Variants in MFSD11 observed in about 807,000 individuals in gnomAD.
The protein encoded by MFSD11 is major facilitator superfamily domain containing 11.
In MFSD11, 36 loss-of-function variants were observed where a neutral mutation model predicts 53.5. That is an observed-to-expected ratio of 0.67 (90% CI 0.52 to 0.89). MFSD11 has a LOEUF of 0.89. MFSD11 is among the 40% of genes least tolerant of loss of function. The pLI is 0.00. For synonymous variants in MFSD11, 186 were observed against 184.9 expected (o/e 1.01, Z -0.05); for missense variants, 530 against 543.9 (o/e 0.97, Z 0.25).
the MFSD11 span, among the ~76,000 whole-genome samples, chr17:76,797,054 A>T: frequency 6.6e-6 from 1 of 152,142 alleles, no homozygotes; most frequent in African/African-American, 2.4e-5. Flanking sequence ...CTGTAGTCCC[A>T]ACTACTTGGG....
chr17:76,767,123 T>C (rs8070803), intron 8 of MFSD11: 16,884 of 362,182 alleles, frequency 0.047, 2,371 homozygotes, highest in African/African-American at 0.31. Context: ...ATTTTTTTTC[T>C]TCCTTTTCAT....
At position 76,738,398 on chromosome 17, in the gene MFSD11, G is replaced by C; in HGVS notation, c.46G>C (p.Val16Leu). 1 of 1,614,158 alleles carries C rather than the reference G, an allele frequency of 6.2e-7. No homozygotes were observed. The highest frequency in any genetic ancestry group is 8.5e-7 in the Non-Finnish European group (1 of 1,180,008). Residue 16 changes from valine (V) to leucine (L), a missense_variant, in exon 1 of 13, where the codon GTT becomes CTT. Transcript: ENST00000685175. ...GCTTTTCAACATCATTATTTTAGGA[G>C]TTGCCTTTATGTTTATGTTCACTGC... Reference protein sequence around the residue: ...KKLFNIIILGVAFMFMFTAFQ... With the variant: ...KKLFNIIILGLAFMFMFTAFQ...
chr17:76,787,508 T>C, the MFSD11 span, among the ~76,000 whole-genome samples: 4 of 150,248 alleles, frequency 2.7e-5, no homozygotes, highest in Admixed American at 6.7e-5. Context: ...CATTATGTAA[T>C]TGAAAGAAAA....
chr17:76,768,969 G>A (rs922978223), intron 9 of MFSD11, among the ~76,000 whole-genome samples: 7 of 145,228 alleles, frequency 4.8e-5, no homozygotes, highest in Non-Finnish European at 7.5e-5. Flanking sequence ...CTGGGCAACA[G>A]AGCAAGACTC....
At chr17:76,755,967 G>C (rs1410711172) in intron 8 of MFSD11, among the ~76,000 whole-genome samples, 1 of 149,774 alleles carries the variant, frequency 6.7e-6, no homozygotes, top group African/African-American at 2.5e-5. Context: ...GGGATTACTG[G>C]CATGTGCCAC....
At position 76,775,049 on chromosome 17, in the gene MFSD11, AGTTGT is replaced by A. The variant is rs760476764; in HGVS notation, c.929_933del (p.Val310AlafsTer28). ...AGAACAATCGTTTTGGTAGAAATCC[AGTTGT>A]GCTGTTGGGCATCCTGGTGCACTTC... is the stretch of plus-strand genomic sequence containing the variant. On this transcript the variant is annotated frameshift_variant, in exon 11 of 13. Transcript: ENST00000685175. LOFTEE classifies it high-confidence loss of function. 6.2e-7 allele frequency: 1 copy of A among 1,614,056 alleles called. No individual in the cohort carries two copies. Among genetic ancestry groups the A allele is most frequent in the Non-Finnish European group, 8.5e-7 (1 of 1,179,964 alleles).
chr17:76,789,249 C>T, the MFSD11 span, among the ~76,000 whole-genome samples: 2 of 150,156 alleles, frequency 1.3e-5, no homozygotes, highest in African/African-American at 4.9e-5. Flanking sequence ...CCTGTTCAGC[C>T]TTGGGCTTGG....
chr17:76,738,433 T>C lies in MFSD11; in HGVS notation c.81T>C (p.Thr27=). ...TGTTTATGTTCACTGCCTTTCAAAC[T>C]TGTGGAAATGTGGCGGTGAGTTGGA... ...AFMFMFTAFQ[T]CGNVAQTVIR... Residue 27 remains threonine, a synonymous_variant, in exon 1 of 13, where the codon ACT becomes ACC. Transcript: ENST00000685175. The C allele has an allele frequency of 6.2e-7, 1 of 1,613,674 alleles. No homozygotes were observed. The highest frequency in any genetic ancestry group is 8.5e-7 in the Non-Finnish European group (1 of 1,179,524).
At chr17:76,769,969 T>C in intron 10 of MFSD11, 98 bp downstream of exon 10, 1 of 1,119,544 alleles carries the variant, frequency 8.9e-7, no homozygotes, top group Non-Finnish European at 1.3e-6. Context: ...TGAATTTCTG[T>C]TTTTTCTACT....
At chr17:76,738,607 T>C in intron 1 of MFSD11, 159 bp downstream of exon 1, 2 of 631,190 alleles carry the variant, frequency 3.2e-6, no homozygotes, top group South Asian at 4.1e-5. Flanking sequence ...TGATTTCTTG[T>C]GTCAGACATT....
upstream of MFSD11, chr17:76,737,387 G>A (rs758725036): frequency 8.0e-5 from 41 of 513,186 alleles, no homozygotes; most frequent in East Asian, 9.2e-4. Context: ...AATGGCGCCC[G>A]CGCCACCCGG....
At chr17:76,747,322 G>A (rs1050535191) in intron 7 of MFSD11, among the ~76,000 whole-genome samples, 23 of 151,062 alleles carry the variant, frequency 1.5e-4, no homozygotes, top group African/African-American at 5.4e-4. Context: ...GAGACCAGAC[G>A]GGGCAACATG....
chr17:76,737,592 G>A (rs1889996449), upstream of MFSD11: 2 of 228,800 alleles, frequency 8.7e-6, no homozygotes, highest in African/African-American at 2.3e-5. Flanking sequence ...TGGGAGGCCG[G>A]ACGATCGCGA....
intron 7 of MFSD11, among the ~76,000 whole-genome samples, chr17:76,753,607 G>A (rs2079269577): frequency 1.3e-5 from 2 of 150,734 alleles, no homozygotes; most frequent in South Asian, 4.2e-4. Flanking sequence ...AGGATCACCT[G>A]AGCCTGCGAG....
intron 8 of MFSD11, among the ~76,000 whole-genome samples, chr17:76,755,934 C>T (rs1476767744): frequency 6.9e-6 from 1 of 145,618 alleles, no homozygotes; most frequent in Non-Finnish European, 1.5e-5. Context: ...AGCGATTCTC[C>T]TGCCTCAGCC....
chr17:76,774,937 A>T, intron 10 of MFSD11, 60 bp from the exon 11 acceptor site: 1 of 1,536,586 alleles, frequency 6.5e-7, no homozygotes, highest in Non-Finnish European at 8.8e-7. Context: ...GTGGTAACTC[A>T]GGCCTGGGTA....
downstream of MFSD11, among the ~76,000 whole-genome samples, chr17:76,780,792 G>A (rs2082146325): frequency 6.6e-6 from 1 of 152,162 alleles, no homozygotes; most frequent in Admixed American, 6.6e-5. Context: ...GGGATTACAG[G>A]CGTGAGCCAC....
intron 8 of MFSD11, among the ~76,000 whole-genome samples, chr17:76,763,420 C>G (rs1025710343): frequency 3.3e-5 from 5 of 151,914 alleles, no homozygotes; most frequent in Non-Finnish European, 7.4e-5. Context: ...CATGCTACCC[C>G]TCCCGGCTAA....
intron 5 of MFSD11, among the ~76,000 whole-genome samples, chr17:76,742,956 T>C (rs1164113772): frequency 5.9e-5 from 9 of 152,254 alleles, no homozygotes; most frequent in African/African-American, 1.9e-4. Context: ...TTTTAAAGAG[T>C]TGTATATTAA....
Sources: gnomAD v4.1 joint callset for allele counts (sites outside exome capture counted in the v4.1 genomes callset) on GRCh38, gnomAD v4.1.1 for gene constraint, MANE v1.5 for transcripts, NCBI Gene and HGNC (gene_info 2026-07-23, HGNC 2026-07-21) for gene names.